NDUFAF2: variants seen among roughly 807,000 people sequenced by gnomAD.
NDUFAF2 encodes NADH:ubiquinone oxidoreductase complex assembly factor 2, also known as NADH dehydrogenase [ubiquinone] 1 alpha subcomplex assembly factor 2.
NDUFAF2 carries 13 observed loss-of-function variants against 22.8 expected under a neutral mutation model. That is an observed-to-expected ratio of 0.57 (90% CI 0.37 to 0.91). The LOEUF is 0.91. NDUFAF2 is among the 40% of genes least tolerant of loss of function. The probability of loss-of-function intolerance (pLI) is 0.01; values close to 1 mark genes in which losing one functional copy is unlikely to be tolerated. For synonymous variants in NDUFAF2, 53 were observed against 64.2 expected, an observed-to-expected ratio of 0.83 and a Z score of 0.84; for missense variants, 162 against 195.2, an observed-to-expected ratio of 0.83 and a Z score of 1.01.
At chr5:61,131,053 C>A (rs900719876) in intron 3 of NDUFAF2, among the ~76,000 whole-genome samples, 1 of 152,010 alleles carries the variant, frequency 6.6e-6, no homozygotes, top group Admixed American at 6.6e-5. Flanking sequence ...TAGTTAAAAT[C>A]CTAGACAAAG....
intron 3 of NDUFAF2, among the ~76,000 whole-genome samples, chr5:61,127,540 T>G (rs1450497223): frequency 1.3e-5 from 2 of 152,144 alleles, no homozygotes; most frequent in African/African-American, 4.8e-5. Flanking sequence ...CCCACATGAT[T>G]ATCTCAATAG....
chr5:60,959,399 T>A (rs1378099333), intron 1 of NDUFAF2, among the ~76,000 whole-genome samples: 7 of 152,120 alleles, frequency 4.6e-5, no homozygotes, highest in African/African-American at 1.7e-4. Flanking sequence ...TACTGTTTTA[T>A]AAACTAACTT....
At chr5:61,086,903 G>T (rs1376895074) in intron 2 of NDUFAF2, among the ~76,000 whole-genome samples, 2 of 152,088 alleles carry the variant, frequency 1.3e-5, no homozygotes, top group Non-Finnish European at 2.9e-5. Flanking sequence ...AATATGTAAA[G>T]AACTCTCATA....
At chr5:60,962,719 G>T (rs1253926673) in intron 1 of NDUFAF2, among the ~76,000 whole-genome samples, 1 of 151,282 alleles carries the variant, frequency 6.6e-6, no homozygotes, top group African/African-American at 2.4e-5. Flanking sequence ...TGTAGTCCCA[G>T]CTACTTTGGA....
chr5:61,131,199 CTT>C (rs78833819), intron 3 of NDUFAF2, among the ~76,000 whole-genome samples: 15 of 141,516 alleles, frequency 1.1e-4, no homozygotes, highest in Non-Finnish European at 7.8e-5. Context: ...ACTTTTTTTT[CTT>C]TTTTTTTTTT....
chr5:61,059,514 G>A (rs928205529), intron 1 of NDUFAF2, among the ~76,000 whole-genome samples: 1 of 152,016 alleles, frequency 6.6e-6, no homozygotes, highest in East Asian at 1.9e-4. Context: ...TAGGAAATAG[G>A]TTACTTGGAA....
chr5:61,091,050 G>A (rs1291855245), intron 2 of NDUFAF2, among the ~76,000 whole-genome samples: 1 of 152,134 alleles, frequency 6.6e-6, no homozygotes, highest in Non-Finnish European at 1.5e-5. Flanking sequence ...GTATTCCATG[G>A]TGTATATTTA....
intron 1 of NDUFAF2, among the ~76,000 whole-genome samples, chr5:60,994,560 C>G (rs564633274): frequency 1.3e-4 from 20 of 152,230 alleles, no homozygotes; most frequent in Non-Finnish European, 2.1e-4. Context: ...ATGGCCGCTG[C>G]TACCATTAAT....
At chr5:61,041,464 G>A (rs1751881625) in intron 1 of NDUFAF2, among the ~76,000 whole-genome samples, 1 of 152,088 alleles carries the variant, frequency 6.6e-6, no homozygotes, top group South Asian at 2.1e-4. Flanking sequence ...CCCAGTGTTG[G>A]TTTTAAATTC....
intron 1 of NDUFAF2, among the ~76,000 whole-genome samples, chr5:60,949,390 T>C (rs976324305): frequency 1.3e-5 from 2 of 152,246 alleles, no homozygotes; most frequent in African/African-American, 4.8e-5. Flanking sequence ...TCCTTTTTAC[T>C]GCTGATTAGT....
chr5:61,062,622 G>C (rs1256691790), intron 1 of NDUFAF2, among the ~76,000 whole-genome samples: 1 of 152,038 alleles, frequency 6.6e-6, no homozygotes, highest in Admixed American at 6.6e-5. Context: ...GACAGAGAAG[G>C]GGACAAAAAG....
intron 1 of NDUFAF2, among the ~76,000 whole-genome samples, chr5:61,042,472 A>G (rs925785581): frequency 6.6e-6 from 1 of 152,234 alleles, no homozygotes; most frequent in African/African-American, 2.4e-5. Context: ...AGAGAGATAT[A>G]CATTTATATT....
chr5:60,990,939 G>A (rs1751150058), intron 1 of NDUFAF2, among the ~76,000 whole-genome samples: 1 of 152,066 alleles, frequency 6.6e-6, no homozygotes, highest in Admixed American at 6.6e-5. Context: ...GAGAGTTTGT[G>A]ACTAGCCCAA....
chr5:60,947,485 G>T (rs931774358), intron 1 of NDUFAF2, among the ~76,000 whole-genome samples: 6 of 152,014 alleles, frequency 3.9e-5, no homozygotes, highest in African/African-American at 1.2e-4. Flanking sequence ...TCCATTTATG[G>T]CTGGGTCCGG....
intron 1 of NDUFAF2, among the ~76,000 whole-genome samples, chr5:61,046,617 C>T (rs1467700598): frequency 6.6e-6 from 1 of 152,044 alleles, no homozygotes; most frequent in Non-Finnish European, 1.5e-5. Flanking sequence ...TTAGTGATAA[C>T]ACATCTGAGA....
At chr5:61,117,593 C>T (rs551276001) in intron 3 of NDUFAF2, among the ~76,000 whole-genome samples, 1 of 151,988 alleles carries the variant, frequency 6.6e-6, no homozygotes, top group Non-Finnish European at 1.5e-5. Context: ...TAGACTCAAG[C>T]GATCTTCCCA....
rs181932864 is a variant in NDUFAF2 at position 61,110,380 on chromosome 5, C to T, written c.258+11348C>T. Among the ~76,000 whole-genome samples the T allele has an allele frequency of 7.8e-3, 1,188 of 151,646 alleles. 16 individuals are homozygous for T. Among genetic ancestry groups the T allele is most frequent in the African/African-American group, 0.027 (1,115 of 41,364 alleles). ...TGGAAGTATTCCCTCCTCCATTTTT[C>T]GGACTAGTTTGAGGAAGATTAATAT... On this transcript the variant is annotated intron_variant, in intron 3 of 3. Transcript: ENST00000296597.
intron 3 of NDUFAF2, among the ~76,000 whole-genome samples, chr5:61,134,054 A>G (rs1753144709): frequency 6.6e-6 from 1 of 152,200 alleles, no homozygotes; most frequent in Non-Finnish European, 1.5e-5. Flanking sequence ...CCAAATATCT[A>G]TTAGTAAGCC....
chr5:61,090,015 G>A (rs1413641652), intron 2 of NDUFAF2, among the ~76,000 whole-genome samples: 3 of 151,734 alleles, frequency 2.0e-5, no homozygotes, highest in African/African-American at 7.3e-5. Context: ...GTGACGATAA[G>A]TGTGCATTAT....
Sources: gnomAD v4.1 joint callset for allele counts (sites outside exome capture counted in the v4.1 genomes callset) on GRCh38, gnomAD v4.1.1 for gene constraint, MANE v1.5 for transcripts, NCBI Gene and HGNC (gene_info 2026-07-23, HGNC 2026-07-21) for gene names.